The following SLC35F1 variants were observed in gnomAD, a reference collection of about 807,000 sequenced individuals.
The protein encoded by SLC35F1 is solute carrier family 35 member F1.
In SLC35F1, 14 loss-of-function variants were observed where a neutral mutation model predicts 48.7. That is an observed-to-expected ratio of 0.29 (90% CI 0.19 to 0.45). SLC35F1 has a LOEUF of 0.45. SLC35F1 is among the 20% of genes least tolerant of loss of function. The probability of loss-of-function intolerance (pLI) is 1.00; values close to 1 mark genes in which losing one functional copy is unlikely to be tolerated. For synonymous variants in SLC35F1, 190 were observed against 202.2 expected (o/e 0.94, Z 0.51); for missense variants, 404 against 500.0 (o/e 0.81, Z 1.83).
At chr6:118,012,291 A>C (rs1371782120) in intron 1 of SLC35F1, among the ~76,000 whole-genome samples, 3 of 150,660 alleles carry the variant, frequency 2.0e-5, no homozygotes, top group Non-Finnish European at 4.4e-5. Context: ...ACTTGGAGCT[A>C]TTGTAGGAAA....
chr6:117,930,941 C>T (rs1776092578), intron 1 of SLC35F1, among the ~76,000 whole-genome samples: 1 of 152,180 alleles, frequency 6.6e-6, no homozygotes, highest in African/African-American at 2.4e-5. Context: ...GGCATTGGTT[C>T]TGGGTCAGGC....
At chr6:118,116,919 T>C (rs1407034507) in intron 1 of SLC35F1, among the ~76,000 whole-genome samples, 1 of 152,162 alleles carries the variant, frequency 6.6e-6, no homozygotes, top group Non-Finnish European at 1.5e-5. Context: ...CGAGATAACA[T>C]CTGTGACATT....
chr6:117,926,584 C>T (rs1454786117), intron 1 of SLC35F1, among the ~76,000 whole-genome samples: 2 of 151,922 alleles, frequency 1.3e-5, no homozygotes, highest in African/African-American at 4.8e-5. Context: ...GAGTTTTAGG[C>T]AGAGGAAACA....
chr6:118,131,315 A>G (rs1353089667), intron 1 of SLC35F1, among the ~76,000 whole-genome samples: 1 of 152,194 alleles, frequency 6.6e-6, no homozygotes, highest in East Asian at 1.9e-4. Flanking sequence ...AACAATTTTT[A>G]TTAAAGAGTT....
chr6:118,234,500 G>T (rs1262616764), intron 2 of SLC35F1, among the ~76,000 whole-genome samples: 1 of 152,152 alleles, frequency 6.6e-6, no homozygotes, highest in Admixed American at 6.5e-5. Flanking sequence ...TCCCTCCCCA[G>T]TCATTTCTTC....
At chr6:118,105,187 T>A (rs1773311940) in intron 1 of SLC35F1, among the ~76,000 whole-genome samples, 1 of 152,086 alleles carries the variant, frequency 6.6e-6, no homozygotes, top group Non-Finnish European at 1.5e-5. Context: ...ACAGATACTA[T>A]CCCTCCCTCT....
chr6:118,056,106 T>TA (rs1379278241), intron 1 of SLC35F1, among the ~76,000 whole-genome samples: 1 of 152,204 alleles, frequency 6.6e-6, no homozygotes, highest in Non-Finnish European at 1.5e-5. Context: ...TTGTGAAACT[T>TA]TTCTAAGTGT....
chr6:118,068,855 A>T (rs1347759344), intron 1 of SLC35F1, among the ~76,000 whole-genome samples: 2 of 152,214 alleles, frequency 1.3e-5, no homozygotes, highest in East Asian at 3.8e-4. Context: ...AGGAATGCAA[A>T]TACCACTAAA....
intron 1 of SLC35F1, among the ~76,000 whole-genome samples, chr6:118,056,390 G>C (rs954309759): frequency 1.3e-5 from 2 of 152,150 alleles, no homozygotes; most frequent in East Asian, 3.9e-4. Flanking sequence ...CATCTCAAAA[G>C]CAGTGCTAGT....
At chr6:118,251,893 C>T (rs1041719183) in intron 3 of SLC35F1, among the ~76,000 whole-genome samples, 1 of 152,082 alleles carries the variant, frequency 6.6e-6, no homozygotes, top group African/African-American at 2.4e-5. Context: ...CTTCCTAAGG[C>T]ATACTTAGGT....
chr6:118,245,993 G>C (rs1775502810), intron 3 of SLC35F1, among the ~76,000 whole-genome samples: 1 of 152,136 alleles, frequency 6.6e-6, no homozygotes, highest in African/African-American at 2.4e-5. Context: ...GAGAGGGAGA[G>C]ACAAGCTCTC....
At chr6:118,154,323 G>A (rs1774107631) in intron 1 of SLC35F1, 122 bp from the exon 2 acceptor site, 1 of 781,372 alleles carries the variant, frequency 1.3e-6, no homozygotes, top group African/African-American at 1.7e-5. Flanking sequence ...TGGACTAAAG[G>A]GAATAATATT....
chr6:118,177,599 C>T (rs778324847), intron 2 of SLC35F1, among the ~76,000 whole-genome samples: 2 of 151,876 alleles, frequency 1.3e-5, no homozygotes, highest in East Asian at 1.9e-4. Flanking sequence ...TAGTGTGGTC[C>T]GGCCTCTTCT....
rs992966096 is a variant in SLC35F1, at chr6:118,139,333, C to T, written c.174-15112C>T. 5.3e-5 allele frequency among the ~76,000 whole-genome samples: 8 copies of T among 152,278 alleles called. No individual in the cohort carries two copies. In the East Asian group the frequency reaches 5.8e-4, roughly 11 times the overall value. Reference sequence around the variant, plus strand: ...TTCACCGTGTTAGCCAGGATGGTCTCGATCTCCTGACCTCGTGATCCACCC... The same window carrying T: ...TTCACCGTGTTAGCCAGGATGGTCTTGATCTCCTGACCTCGTGATCCACCC... On this transcript the variant is annotated intron_variant, in intron 1 of 7. Coordinates refer to ENST00000360388, the MANE Select transcript of SLC35F1 (RefSeq NM_001029858.4).
At chr6:118,071,594 T>A (rs1772729054) in intron 1 of SLC35F1, among the ~76,000 whole-genome samples, 1 of 152,138 alleles carries the variant, frequency 6.6e-6, no homozygotes, top group Non-Finnish European at 1.5e-5. Flanking sequence ...TATTCCCTTT[T>A]TCCCCCTAGA....
At chr6:118,254,453 C>T (rs544847346) in intron 3 of SLC35F1, among the ~76,000 whole-genome samples, 178 of 152,078 alleles carry the variant, frequency 1.2e-3, no homozygotes, top group Non-Finnish European at 2.2e-3. Context: ...AGCTTATTTT[C>T]GTATTGTTTG....
At chr6:118,280,460 G>C (rs1775968011) in intron 6 of SLC35F1, among the ~76,000 whole-genome samples, 1 of 152,156 alleles carries the variant, frequency 6.6e-6, no homozygotes, top group African/African-American at 2.4e-5. Flanking sequence ...TGTGGTTGAT[G>C]CTTGTCTTGG....
In SLC35F1 at chr6:118,002,905, T is replaced by G. The variant is rs1052377037; in HGVS notation, c.173+95006T>G. On this transcript the variant is annotated intron_variant, in intron 1 of 7. Coordinates refer to ENST00000360388, the MANE Select transcript of SLC35F1 (RefSeq NM_001029858.4). ...CCAACCATGCTATTATCAGATCAGT[T>G]TTATATTATTTCAGTTATATGTGCA... Among the ~76,000 whole-genome samples, 3 of 152,166 alleles carry G rather than the reference T, an allele frequency of 2.0e-5. No individual in the cohort carries two copies. The South Asian group carries it at 6.2e-4, about 32-fold the overall frequency.
intron 2 of SLC35F1, among the ~76,000 whole-genome samples, chr6:118,215,243 G>T (rs1036460979): frequency 1.3e-5 from 2 of 152,112 alleles, no homozygotes; most frequent in Non-Finnish European, 2.9e-5. Context: ...AGACCGCAAG[G>T]TATTGAGGTA....
Sources: allele counts gnomAD v4.1 joint callset (sites outside exome capture counted in the v4.1 genomes callset), GRCh38; gene constraint gnomAD v4.1.1; transcripts MANE v1.5; gene names NCBI Gene and HGNC (gene_info 2026-07-23, HGNC 2026-07-21).